Variants in GREB1L observed in about 807,000 individuals in gnomAD.
The protein encoded by GREB1L is GREB1 like retinoic acid receptor coactivator.
A neutral mutation model predicts 200.8 loss-of-function variants in GREB1L; 17 were observed. The ratio of observed to expected loss-of-function variants is 0.08; its 90% CI spans 0.06 to 0.13. The LOEUF is 0.13. Ranked by LOEUF, GREB1L falls within the 10% of genes least tolerant of loss-of-function variation. The pLI, the probability that GREB1L is intolerant of heterozygous loss-of-function variation, is 1.00. For synonymous variants in GREB1L, 789 were observed against 893.0 expected, an observed-to-expected ratio of 0.88 and a Z score of 2.08; for missense variants, 1,657 against 2,367.7, an observed-to-expected ratio of 0.70 and a Z score of 6.23.
intron 1 of GREB1L, among the ~76,000 whole-genome samples, chr18:21,351,783 C>T (rs2039436810): frequency 6.6e-6 from 1 of 152,114 alleles, no homozygotes; most frequent in Admixed American, 6.5e-5. Context: ...AGACTACTTC[C>T]TGTATGGTCA....
At chr18:21,386,376 C>G (rs981835540) in intron 4 of GREB1L, among the ~76,000 whole-genome samples, 5 of 152,132 alleles carry the variant, frequency 3.3e-5, no homozygotes, top group Admixed American at 3.3e-4. Flanking sequence ...ACTGCAGCCT[C>G]CACCTCCCGG....
At chr18:21,375,514 ATCAGCAAAC>A (rs2040037057) in intron 2 of GREB1L, among the ~76,000 whole-genome samples, 1 of 152,252 alleles carries the variant, frequency 6.6e-6, no homozygotes, top group Admixed American at 6.5e-5. Context: ...ATGAGGCCAC[ATCAGCAAAC>A]AAACATTTTC....
At chr18:21,387,820 T>C (rs965654690) in intron 4 of GREB1L, among the ~76,000 whole-genome samples, 3 of 152,218 alleles carry the variant, frequency 2.0e-5, no homozygotes, top group Non-Finnish European at 4.4e-5. Context: ...GAATGTTTCA[T>C]AGATTTTGTT....
At chr18:21,287,296 T>C (rs2038373941) in intron 1 of GREB1L, among the ~76,000 whole-genome samples, 1 of 152,214 alleles carries the variant, frequency 6.6e-6, no homozygotes, top group African/African-American at 2.4e-5. Context: ...TACTCCACAC[T>C]ATTGGCACTC....
chr18:21,514,148 G>C (rs768308292), intron 28 of GREB1L, among the ~76,000 whole-genome samples, 162 bp downstream of exon 28: 2 of 152,176 alleles, frequency 1.3e-5, no homozygotes, highest in East Asian at 1.9e-4. Context: ...GGTGACTTAG[G>C]AATCTTTTAT....
At chr18:21,376,740 G>T (rs2040088946) in intron 2 of GREB1L, among the ~76,000 whole-genome samples, 1 of 145,724 alleles carries the variant, frequency 6.9e-6, no homozygotes, top group East Asian at 2.0e-4. Context: ...GGGAGGCGTA[G>T]CTTGCAGTGA....
At chr18:21,291,319 G>A (rs1290858954) in intron 1 of GREB1L, among the ~76,000 whole-genome samples, 2 of 152,110 alleles carry the variant, frequency 1.3e-5, no homozygotes, top group Non-Finnish European at 2.9e-5. Context: ...TGACAGCCTG[G>A]CTCAGTTGAG....
At chr18:21,373,437 G>A (rs1009739198) in intron 2 of GREB1L, among the ~76,000 whole-genome samples, 4 of 152,144 alleles carry the variant, frequency 2.6e-5, no homozygotes, top group African/African-American at 7.2e-5. Context: ...AGGTTCATGC[G>A]ATTCTCCTGC....
intron 1 of GREB1L, among the ~76,000 whole-genome samples, chr18:21,355,901 A>T (rs192771396): frequency 5.3e-4 from 81 of 152,232 alleles, no homozygotes; most frequent in African/African-American, 1.9e-3. Flanking sequence ...AAGTTCCATG[A>T]AAATTCTACT....
At chr18:21,369,948 CAAA>C (rs201252099) in intron 2 of GREB1L, among the ~76,000 whole-genome samples, 1 of 87,876 alleles carries the variant, frequency 1.1e-5, no homozygotes. Context: ...GACTCCATCT[CAAA>C]AAAAAAAAAA....
At chr18:21,247,679 A>G (rs1431642829) in intron 1 of GREB1L, among the ~76,000 whole-genome samples, 2 of 152,228 alleles carry the variant, frequency 1.3e-5, no homozygotes, top group South Asian at 2.1e-4. Flanking sequence ...AACCTTCTGG[A>G]TAGGTTTATT....
chr18:21,508,049 G>A, intron 25 of GREB1L, 69 bp from the exon 26 acceptor site: 1 of 1,414,684 alleles, frequency 7.1e-7, no homozygotes, highest in Non-Finnish European at 9.7e-7. Flanking sequence ...ACAACCTGAA[G>A]GAGTGGCCTG....
At chr18:21,403,608 G>A (rs1353014875) in intron 6 of GREB1L, among the ~76,000 whole-genome samples, 3 of 152,252 alleles carry the variant, frequency 2.0e-5, no homozygotes, top group Admixed American at 6.5e-5. Context: ...TATTGGTTAC[G>A]AGTATTTTTC....
intron 28 of GREB1L, among the ~76,000 whole-genome samples, chr18:21,514,256 C>T (rs1190775028): frequency 6.6e-6 from 1 of 152,180 alleles, no homozygotes; most frequent in Non-Finnish European, 1.5e-5. Context: ...GTGGCTCATG[C>T]CTGTAATTCC....
intron 23 of GREB1L, among the ~76,000 whole-genome samples, chr18:21,504,130 G>A (rs959248304): frequency 6.6e-6 from 1 of 152,088 alleles, no homozygotes; most frequent in Non-Finnish European, 1.5e-5. Context: ...GACAGGGTTG[G>A]CCAGGCTGGT....
intron 25 of GREB1L, among the ~76,000 whole-genome samples, chr18:21,507,070 A>T (rs11872119): frequency 0.021 from 3,189 of 152,292 alleles, 121 homozygotes; most frequent in African/African-American, 0.072. Context: ...GATATACTTT[A>T]AAAAACTGAT....
At chr18:21,342,563 G>T (rs2039284793) in intron 1 of GREB1L, among the ~76,000 whole-genome samples, 1 of 152,160 alleles carries the variant, frequency 6.6e-6, no homozygotes, top group Admixed American at 6.6e-5. Context: ...CATCTGGAAT[G>T]CTGCCTTTTG....
intron 1 of GREB1L, among the ~76,000 whole-genome samples, chr18:21,325,534 G>T (rs945834177): frequency 3.9e-5 from 6 of 151,918 alleles, no homozygotes; most frequent in African/African-American, 1.5e-4. Flanking sequence ...ATAAACTAGG[G>T]CCTGTTGCGG....
chr18:21,319,495 T>G (rs2038920453), intron 1 of GREB1L, among the ~76,000 whole-genome samples: 1 of 151,908 alleles, frequency 6.6e-6, no homozygotes, highest in Non-Finnish European at 1.5e-5. Context: ...AAAGTTAGAA[T>G]GTTTTAGTTT....
Sources: allele counts gnomAD v4.1 joint callset (sites outside exome capture counted in the v4.1 genomes callset), GRCh38; gene constraint gnomAD v4.1.1; transcripts MANE v1.5; gene names NCBI Gene and HGNC (gene_info 2026-07-23, HGNC 2026-07-21).